The following GLT1D1 variants were observed in gnomAD, a reference collection of about 807,000 sequenced individuals.
The protein encoded by GLT1D1 is glycosyltransferase 1 domain-containing protein 1.
In GLT1D1, 21 loss-of-function variants were observed where a neutral mutation model predicts 28.7. The observed-to-expected ratio is 0.73, with a 90% CI of 0.52 to 1.05. GLT1D1 has a LOEUF of 1.05. GLT1D1 is among the 50% of genes least tolerant of loss of function. GLT1D1 has a pLI of 0.00. For synonymous variants in GLT1D1, 147 were observed against 124.8 expected, an observed-to-expected ratio of 1.18 and a Z score of -1.19; for missense variants, 343 against 330.6, an observed-to-expected ratio of 1.04 and a Z score of -0.29.
chr12:128,945,475 T>C, intron 5 of GLT1D1, 106 bp downstream of exon 9: 1 of 926,054 alleles, frequency 1.1e-6, no homozygotes, highest in African/African-American at 1.6e-5. Context: ...TCCAAGCAGT[T>C]TCCAACTGTT....
intron 4 of GLT1D1, among the ~76,000 whole-genome samples, chr12:128,917,832 G>C (rs568776031): frequency 6.6e-6 from 1 of 152,302 alleles, no homozygotes; most frequent in African/African-American, 2.4e-5. Context: ...ACAGATGCTG[G>C]CGAGCTTGTG....
chr12:128,893,008 G>T (rs1467606890), intron 3 of GLT1D1, among the ~76,000 whole-genome samples: 1 of 152,178 alleles, frequency 6.6e-6, no homozygotes, highest in African/African-American at 2.4e-5. Flanking sequence ...CACTTTGAGA[G>T]GCCGAAGCGG....
chr12:128,957,572 G>A lies in GLT1D1; in HGVS notation c.568G>A (p.Ala190Thr), dbSNP rs1351874472. 6.2e-7 allele frequency: 1 copy of A among 1,613,482 alleles called. No individual in the cohort carries two copies. The highest frequency in any genetic ancestry group is 1.3e-5 in the African/African-American group (1 of 74,864). Reference sequence around the variant, plus strand: ...AATGGATTTAGAAGTACCGGTATTGGCCAGGAACATCCCCGGGAATGCTGC... The same window carrying A: ...AATGGATTTAGAAGTACCGGTATTGACCAGGAACATCCCCGGGAATGCTGC... Residue 190 changes from alanine to threonine, a missense_variant, in exon 7 of 8, where the codon GCC (alanine) becomes ACC (threonine). Coordinates refer to ENST00000281703, the MANE Select transcript of GLT1D1 (RefSeq NM_144669.3).
chr12:128,943,897 T>G (rs1423277404), intron 4 of GLT1D1, among the ~76,000 whole-genome samples: 1 of 152,224 alleles, frequency 6.6e-6, no homozygotes. Context: ...TTTCCCCCAA[T>G]GACATGTAAC....
chr12:128,926,501 G>T, intron 4 of GLT1D1, 47 bp downstream of exon 7: 1 of 1,000,970 alleles, frequency 1.0e-6, no homozygotes, highest in Non-Finnish European at 1.5e-6. Context: ...AATTCCTTGT[G>T]GGCGCCCATC....
intron 7 of GLT1D1, among the ~76,000 whole-genome samples, chr12:128,967,108 A>C (rs1878532908): frequency 6.6e-6 from 1 of 152,218 alleles, no homozygotes; most frequent in African/African-American, 2.4e-5. Context: ...GCTCAAACCT[A>C]TTTTGCTTGG....
intron 4 of GLT1D1, among the ~76,000 whole-genome samples, chr12:128,917,757 C>T (rs527744401): frequency 1.3e-5 from 2 of 152,152 alleles, no homozygotes; most frequent in Admixed American, 6.5e-5. Flanking sequence ...AAATGCAAAT[C>T]GAAACCACAA....
At chr12:128,927,750 C>A (rs1873379327) in intron 4 of GLT1D1, among the ~76,000 whole-genome samples, 1 of 151,450 alleles carries the variant, frequency 6.6e-6, no homozygotes, top group Non-Finnish European at 1.5e-5. Context: ...GTAATCCTGG[C>A]AACTTCGGGA....
At chr12:128,871,767 CA>C (rs1228193803) in intron 1 of GLT1D1, among the ~76,000 whole-genome samples, 1 of 151,992 alleles carries the variant, frequency 6.6e-6, no homozygotes, top group Non-Finnish European at 1.5e-5. Flanking sequence ...TGATTTTGTG[CA>C]ATATTGCTCC....
At position 128,932,949 on chromosome 12, in the gene GLT1D1, T is replaced by G. The variant is rs376494737; in HGVS notation, c.376-12377T>G. Among the ~76,000 whole-genome samples, 53 of 152,310 alleles carry G rather than the reference T, an allele frequency of 3.5e-4. No homozygotes were observed. The Middle Eastern group carries it at 0.017, about 49-fold the overall frequency. ...TACGTTTCTAAGGTCTCGCGGAGTCTAAGAAATTACAAGCCCCTTCCAACA... is the reference window on the plus strand; with the variant it reads ...TACGTTTCTAAGGTCTCGCGGAGTCGAAGAAATTACAAGCCCCTTCCAACA... On this transcript the variant is annotated intron_variant, in intron 4 of 7. Transcript: ENST00000281703.
chr12:128,861,863 GA>G (rs911019691), intron 1 of GLT1D1, among the ~76,000 whole-genome samples: 2 of 150,860 alleles, frequency 1.3e-5, no homozygotes, highest in African/African-American at 2.4e-5. Flanking sequence ...CATTTGGGAA[GA>G]AAAAAAAAGT....
intron 1 of GLT1D1, among the ~76,000 whole-genome samples, chr12:128,858,842 C>T (rs1195205411): frequency 6.6e-6 from 1 of 151,604 alleles, no homozygotes; most frequent in Admixed American, 6.6e-5. Flanking sequence ...GAACGTTGGT[C>T]TCCACAGTCT....
chr12:128,931,693 G>C (rs1873910441), intron 4 of GLT1D1, among the ~76,000 whole-genome samples: 1 of 152,144 alleles, frequency 6.6e-6, no homozygotes, highest in South Asian at 2.1e-4. Flanking sequence ...AGTGTAAAAA[G>C]TGTTTGTCTT....
intron 4 of GLT1D1, among the ~76,000 whole-genome samples, chr12:128,899,739 A>G (rs1161672072): frequency 6.6e-6 from 1 of 151,692 alleles, no homozygotes; most frequent in African/African-American, 2.4e-5. Flanking sequence ...TTTAGTAGAG[A>G]TGGGATTTCA....
intron 1 of GLT1D1, among the ~76,000 whole-genome samples, chr12:128,866,802 G>T (rs1163392856): frequency 2.0e-5 from 3 of 151,884 alleles, no homozygotes; most frequent in African/African-American, 7.2e-5. Context: ...TATATTTTTA[G>T]TAGAGACAGG....
rs1555261631 is a variant in GLT1D1, at chr12:128,874,120, C to CCCTT, written c.69-1794_69-1793insCCTT. On this transcript the variant is annotated intron_variant, in intron 1 of 7. Coordinates refer to ENST00000281703, the MANE Select transcript of GLT1D1 (RefSeq NM_144669.3). The stretch of plus-strand genomic sequence containing the variant: ...TCTTTCTCTCTCTCTCTCTCTCTCT[C>CCCTT]TCTCTCTTTCTTTCTTTCTTTCTTT... Among the ~76,000 whole-genome samples the CCCTT allele has an allele frequency of 1.2e-3, 62 of 52,796 alleles. 1 individual carries two copies. Among genetic ancestry groups the CCCTT allele is most frequent in the African/African-American group, 5.4e-3 (61 of 11,368 alleles). The allele number at this position is 52,796 out of a possible 152,430, so 34.6% of individuals were successfully genotyped here.
At chr12:128,895,785 C>T (rs1869563680) in intron 3 of GLT1D1, among the ~76,000 whole-genome samples, 1 of 152,058 alleles carries the variant, frequency 6.6e-6, no homozygotes, top group Non-Finnish European at 1.5e-5. Context: ...AACCTGGAAA[C>T]TGGTGAGATC....
At position 128,884,480 on chromosome 12, in the gene GLT1D1, G is replaced by T. The variant is rs373474285; in HGVS notation, c.218-4159G>T. 4.0e-4 allele frequency among the ~76,000 whole-genome samples: 61 copies of T among 152,096 alleles called. 1 individual carries two copies. In the East Asian group the frequency reaches 0.01, roughly 26 times the overall value. ...ACATTCAAGATTTATTGTACAGCAT[G>T]GTGACTGTAGTGAATAACAATGTAT... is the stretch of plus-strand genomic sequence containing the variant. On this transcript the variant is annotated intron_variant, in intron 2 of 7. Transcript: ENST00000281703.
chr12:128,921,939 C>T (rs188190994), intron 4 of GLT1D1, among the ~76,000 whole-genome samples: 27 of 144,426 alleles, frequency 1.9e-4, no homozygotes, highest in Non-Finnish European at 3.3e-4. Context: ...TTTTCCAATT[C>T]GGTAATACTG....
Sources: gnomAD v4.1 joint callset for allele counts (sites outside exome capture counted in the v4.1 genomes callset) on GRCh38, gnomAD v4.1.1 for gene constraint, MANE v1.5 for transcripts, NCBI Gene and HGNC (gene_info 2026-07-23, HGNC 2026-07-21) for gene names.